The following ZNF581 variants were observed in gnomAD, a reference collection of about 807,000 sequenced individuals.
ZNF581 encodes the protein zinc finger protein 581.
ZNF581 carries 1 observed loss-of-function variant against 1.2 expected under a neutral mutation model. The ratio of observed to expected loss-of-function variants is 0.83; its 90% CI spans 0.30 to 3.95. ZNF581 has a LOEUF of 3.95. Among genes scored for constraint, ZNF581 ranks in the 30% most tolerant of loss-of-function variants. The pLI is 0.18. For missense variants in ZNF581, 273 were observed against 274.6 expected (o/e 0.99, Z 0.04); for synonymous variants, 105 against 109.2 (o/e 0.96, Z 0.24).
Position 55,645,312 on chromosome 19 carries a change from G to T in ZNF581, c.*147G>T. On this transcript the variant is annotated 3_prime_UTR_variant, in exon 2 of 2. Transcript: ENST00000270451. Reference sequence around the variant, plus strand: ...GCATCTCAAAGGCAGAGCCCTGCCTGAAGGAGGAATCCGTGAGTAATCTTC... The same window carrying T: ...GCATCTCAAAGGCAGAGCCCTGCCTTAAGGAGGAATCCGTGAGTAATCTTC... 1 of 641,460 alleles carries T rather than the reference G, an allele frequency of 1.6e-6. No homozygotes were observed. Among genetic ancestry groups the T allele is most frequent in the Non-Finnish European group, 2.5e-6 (1 of 400,042 alleles). The allele number at this position is 641,460 out of a possible 1,614,324, so 39.7% of individuals were successfully genotyped here.
chr19:55,641,425 C>A (rs978408853), upstream of ZNF581, among the ~76,000 whole-genome samples: 1 of 152,162 alleles, frequency 6.6e-6, no homozygotes, highest in South Asian at 2.1e-4. Flanking sequence ...AACGCCCGGG[C>A]GCTGGGGTTC....
upstream of ZNF581, chr19:55,641,765 A>C (rs1249591026): frequency 6.6e-6 from 1 of 152,130 alleles, no homozygotes; most frequent in Non-Finnish European, 1.5e-5. Context: ...ATACAGAAGG[A>C]AGGCATTTGA....
chr19:55,644,732 T>C lies in ZNF581; in HGVS notation c.161T>C (p.Leu54Pro). The C allele has an allele frequency of 1.9e-6, 3 of 1,614,062 alleles. No homozygotes were observed. Among genetic ancestry groups the C allele is most frequent in the Non-Finnish European group, 2.5e-6 (3 of 1,179,994 alleles). The change falls in exon 2 of 2, where the codon CTG (leucine) becomes CCG (proline). Residue 54 changes from leucine to proline, a missense_variant. Transcript: ENST00000270451. The surrounding 1 kb of genome is among the most constrained non-coding windows in gnomAD (Gnocchi z 4.3). ...ASSPPRPNHY[L>P]LIDTQGVPYT... ...TCTCCTCCAAGGCCCAACCACTACC[T>C]GCTTATTGACACTCAGGGTGTCCCC...
chr19:55,638,930 G>A (rs776091574), upstream of ZNF581, among the ~76,000 whole-genome samples: 22 of 150,910 alleles, frequency 1.5e-4, no homozygotes, highest in Admixed American at 4.6e-4. Flanking sequence ...ACCTGAGCCC[G>A]GGAGTTGGAG....
At chr19:55,642,907 C>T (rs1372058115), upstream of ZNF581, 2 of 1,535,568 alleles carry the variant, frequency 1.3e-6, no homozygotes, top group Non-Finnish European at 1.7e-6. Context: ...AGCGCTCCAG[C>T]CACCTGTCGC....
upstream of ZNF581, chr19:55,641,268 C>T: frequency 2.3e-6 from 2 of 859,584 alleles, no homozygotes; most frequent in South Asian, 5.3e-5. Flanking sequence ...TGGAGCCACC[C>T]GGGATGGGGG....
upstream of ZNF581, among the ~76,000 whole-genome samples, chr19:55,638,108 C>T (rs576044086): frequency 3.5e-4 from 53 of 152,088 alleles, no homozygotes; most frequent in Non-Finnish European, 6.6e-4. Context: ...CTATACAGGA[C>T]GTGTGGTCCT....
At chr19:55,642,825 G>A, upstream of ZNF581, 1 of 1,575,092 alleles carries the variant, frequency 6.3e-7, no homozygotes, top group Non-Finnish European at 8.6e-7. Flanking sequence ...AGCCCTCTGC[G>A]GCTGCAGAGC....
upstream of ZNF581, among the ~76,000 whole-genome samples, chr19:55,636,560 C>T (rs1011506832): frequency 2.6e-5 from 4 of 152,092 alleles, no homozygotes; most frequent in Non-Finnish European, 5.9e-5. Context: ...TGATTCCTTA[C>T]CGTTTCCTGA....
upstream of ZNF581, among the ~76,000 whole-genome samples, chr19:55,637,021 A>C (rs73934399): frequency 1.9e-3 from 294 of 152,242 alleles, no homozygotes; most frequent in African/African-American, 6.9e-3. Flanking sequence ...GGTTTTGATC[A>C]TGACGCACTG....
upstream of ZNF581, chr19:55,640,444 C>G: frequency 1.0e-6 from 1 of 985,452 alleles, no homozygotes; most frequent in South Asian, 4.7e-5. Context: ...CACATGCCTT[C>G]TGGAAATATC....
chr19:55,640,063 G>A, upstream of ZNF581: 1 of 928,840 alleles, frequency 1.1e-6, no homozygotes, highest in Non-Finnish European at 1.3e-6. Flanking sequence ...GGATGTAGCT[G>A]TGGCACCCCA....
chr19:55,635,722 G>A, intron 1 of ZNF581: 2 of 988,198 alleles, frequency 2.0e-6, no homozygotes, highest in Non-Finnish European at 1.2e-6. Context: ...GGTTGGGTGA[G>A]GGCAAGGGTG....
chr19:55,643,278 C>A, upstream of ZNF581: 1 of 482,086 alleles, frequency 2.1e-6, no homozygotes, highest in Non-Finnish European at 3.5e-6. Flanking sequence ...TCCAGTCCAG[C>A]TGTGCTGTGT....
upstream of ZNF581, chr19:55,642,874 C>T (rs369129370): frequency 1.4e-5 from 22 of 1,564,582 alleles, no homozygotes; most frequent in African/African-American, 2.2e-4. Flanking sequence ...CCTTCACGTG[C>T]GGCGCCTGCG....
upstream of ZNF581, chr19:55,642,812 G>C: frequency 6.4e-7 from 1 of 1,572,228 alleles, no homozygotes; most frequent in Non-Finnish European, 8.6e-7. Context: ...CCGTGTCTTT[G>C]CCAGCCCTCT....
chr19:55,644,625 G>C lies in ZNF581; in HGVS notation c.54G>C (p.Glu18Asp). ...AGCCTCTGGCATTTTCCTCCGTTGA[G>C]ACCATGGAGGGCCCTCCCCGTCGGA... The part of the protein sequence containing the change: ...CPQPLAFSSV[E>D]TMEGPPRRTC... Residue 18 changes from glutamate (E) to aspartate (D), a missense_variant, in exon 2 of 2, where the codon GAG becomes GAC. Physicochemically the swap from Glu to Asp is conservative, Grantham distance 45 (BLOSUM62 2). Transcript: ENST00000270451. This position sits in a 1 kb window ranked among gnomAD's most constrained non-coding sequence, Gnocchi z 4.3. The C allele has an allele frequency of 1.2e-6, 2 of 1,609,952 alleles. No homozygotes were observed. The highest frequency in any genetic ancestry group is 1.7e-6 in the Non-Finnish European group (2 of 1,178,170).
At chr19:55,642,116 G>C (rs532477868), upstream of ZNF581, 1 of 1,007,200 alleles carries the variant, frequency 9.9e-7, no homozygotes, top group African/African-American at 1.7e-5. Flanking sequence ...AAATCTCGGC[G>C]GTCAGGAGGC....
At chr19:55,639,453 A>G (rs1353400430), upstream of ZNF581, among the ~76,000 whole-genome samples, 1 of 152,210 alleles carries the variant, frequency 6.6e-6, no homozygotes, top group Non-Finnish European at 1.5e-5. Flanking sequence ...GTCTCAAAAA[A>G]TATACATACT....
Sources: allele counts gnomAD v4.1 joint callset (sites outside exome capture counted in the v4.1 genomes callset), GRCh38; gene constraint gnomAD v4.1.1; non-coding constraint Gnocchi (gnomAD v3.1); transcripts MANE v1.5; gene names NCBI Gene and HGNC (gene_info 2026-07-23, HGNC 2026-07-21).